Variants in VWCE observed in about 807,000 individuals in gnomAD.
The protein encoded by VWCE is von Willebrand factor C and EGF domain-containing protein.
A neutral mutation model predicts 102.9 loss-of-function variants in VWCE; 68 were observed. The ratio of observed to expected loss-of-function variants is 0.66; its 90% CI spans 0.54 to 0.81. VWCE has a LOEUF of 0.81. VWCE is among the 30% of genes least tolerant of loss of function. The pLI, the probability that VWCE is intolerant of heterozygous loss-of-function variation, is 0.00. For synonymous variants in VWCE, 497 were observed against 515.4 expected (o/e 0.96, Z 0.48); for missense variants, 1,137 against 1,263.6 (o/e 0.90, Z 1.52).
chr11:61,282,831 G>A lies in VWCE; in HGVS notation c.616C>T (p.Arg206Ter), dbSNP rs759332345. 8 of 1,614,200 alleles carry A rather than the reference G, an allele frequency of 5.0e-6. No homozygotes were observed. Among genetic ancestry groups the A allele is most frequent in the Admixed American group, 3.3e-5 (2 of 60,030 alleles). ...NSIGSYKCSCRTGFHLHGNRH... is the reference protein window; with the variant it reads ...NSIGSYKCSC ...TTGCCATGAAGGTGGAAGCCAGTTC[G>A]ACAGGAACACTTGTAGCTGCCAATG... The change falls in exon 6 of 20, where the codon CGA becomes TGA. Residue 206 changes from arginine to a stop codon, truncating the protein, a stop_gained. Transcript: ENST00000335613. LOFTEE classifies it high-confidence loss of function.
At chr11:61,293,680 G>A (rs1039798648) in intron 1 of VWCE, among the ~76,000 whole-genome samples, 1 of 152,198 alleles carries the variant, frequency 6.6e-6, no homozygotes, top group African/African-American at 2.4e-5. Context: ...ATTCTGCGAG[G>A]CAGGCACTTT....
chr11:61,261,505 G>A (rs1056746634), intron 19 of VWCE, among the ~76,000 whole-genome samples: 8 of 152,000 alleles, frequency 5.3e-5, no homozygotes, highest in African/African-American at 1.2e-4. Context: ...CAGTTTGGGA[G>A]GCCAAGGCGG....
intron 1 of VWCE, among the ~76,000 whole-genome samples, chr11:61,292,532 A>T (rs1036078444): frequency 1.3e-5 from 2 of 152,170 alleles, no homozygotes; most frequent in Admixed American, 6.5e-5. Context: ...TGAGAAGGGC[A>T]ATGGCATAGG....
intron 7 of VWCE, 143 bp downstream of exon 7, chr11:61,281,643 G>A: frequency 8.7e-7 from 1 of 1,150,158 alleles, no homozygotes; most frequent in Non-Finnish European, 1.2e-6. Context: ...CGGGGCCGGG[G>A]TAGGGCGGGG....
intron 6 of VWCE, 89 bp from the exon 7 acceptor site, chr11:61,282,003 G>A: frequency 6.5e-7 from 1 of 1,528,742 alleles, no homozygotes. Flanking sequence ...CACTTGGGGA[G>A]TTTCTCTGCC....
intron 16 of VWCE, among the ~76,000 whole-genome samples, chr11:61,267,087 G>A (rs1384437669): frequency 2.6e-5 from 4 of 152,104 alleles, no homozygotes; most frequent in African/African-American, 9.7e-5. Context: ...GCGAAATCCC[G>A]TCTCTACCAA....
intron 12 of VWCE, 55 bp from the exon 13 acceptor site, chr11:61,273,371 T>G (rs1334695635): frequency 6.6e-7 from 1 of 1,524,108 alleles, no homozygotes; most frequent in African/African-American, 1.4e-5. Context: ...CTGGGGACCA[T>G]GGAGAGCTAG....
At chr11:61,260,528 G>C (rs994769914) in intron 19 of VWCE, among the ~76,000 whole-genome samples, 2 of 152,020 alleles carry the variant, frequency 1.3e-5, no homozygotes, top group Non-Finnish European at 2.9e-5. Flanking sequence ...AAACTCCTGA[G>C]CTCAAGTGAT....
chr11:61,264,958 G>T lies in VWCE; in HGVS notation c.2137C>A (p.Gln713Lys), dbSNP rs1381392972. 6.2e-7 allele frequency: 1 copy of T among 1,613,564 alleles called. No individual in the cohort carries two copies. The highest frequency in any genetic ancestry group is 1.7e-5 in the Admixed American group (1 of 59,998). ...DDEPCTRCTC[Q>K]LGEVSCEKVP... Reference sequence around the variant, plus strand: ...CTGGGTTCCCAGGCCCAGCTCACCTGGCACGTGCACCGGGTGCAGGGTTCA... The same window carrying T: ...CTGGGTTCCCAGGCCCAGCTCACCTTGCACGTGCACCGGGTGCAGGGTTCA... The change falls in exon 18 of 20, where the codon CAG (glutamine) becomes AAG (lysine). Residue 713 changes from glutamine (Q) to lysine (K), a missense_variant and splice_region_variant. Gln to Lys is a moderately conservative substitution (Grantham distance 53). Coordinates refer to ENST00000335613, the MANE Select transcript of VWCE (RefSeq NM_152718.2).
chr11:61,273,505 G>A (rs547248769), intron 12 of VWCE, among the ~76,000 whole-genome samples, 189 bp from the exon 13 acceptor site: 1 of 152,292 alleles, frequency 6.6e-6, no homozygotes, highest in African/African-American at 2.4e-5. Context: ...GGGGGGAACT[G>A]GGAGTCCTTC....
intron 19 of VWCE, among the ~76,000 whole-genome samples, chr11:61,261,220 A>C (rs1410354963): frequency 7.7e-6 from 1 of 129,902 alleles, no homozygotes; most frequent in Non-Finnish European, 1.5e-5. Flanking sequence ...ACTCCATCTC[A>C]AAAAAAAAAA....
intron 16 of VWCE, among the ~76,000 whole-genome samples, chr11:61,266,453 TAGG>T (rs1854515532): frequency 6.6e-6 from 1 of 151,700 alleles, no homozygotes; most frequent in African/African-American, 2.4e-5. Context: ...GAGGCTGACA[TAGG>T]AGGATCGCTT....
At chr11:61,287,865 G>A (rs535886784) in intron 4 of VWCE, among the ~76,000 whole-genome samples, 2 of 152,066 alleles carry the variant, frequency 1.3e-5, no homozygotes, top group East Asian at 3.9e-4. Context: ...TGGATTAAGA[G>A]GAGACTAAGG....
rs1855218489 is a variant in VWCE, at chr11:61,283,682, AGCCACTGCACCTG to A, written c.542-790_542-778del. Among the ~76,000 whole-genome samples, 10 of 152,340 alleles carry A rather than the reference AGCCACTGCACCTG, an allele frequency of 6.6e-5. No homozygotes were observed. In the South Asian group the frequency reaches 2.1e-3, roughly 32 times the overall value. On this transcript the variant is annotated intron_variant, in intron 5 of 19. Coordinates refer to ENST00000335613, the MANE Select transcript of VWCE (RefSeq NM_152718.2). The stretch of plus-strand genomic sequence containing the variant: ...TGCCTTGGCCTCCATTACAGGCGTG[AGCCACTGCACCTG>A]GCCACTGGCTTAAATTCTTGCCATC...
At chr11:61,281,622 C>T (rs754118390) in intron 7 of VWCE, among the ~76,000 whole-genome samples, 164 bp downstream of exon 7, 79 of 151,792 alleles carry the variant, frequency 5.2e-4, no homozygotes, top group Non-Finnish European at 1.0e-3. Context: ...GGGAGCCTAG[C>T]GCCAGGTGGG....
rs566459626 is a variant in VWCE at position 61,267,754 on chromosome 11, G to A, written c.1883-210C>T. On this transcript the variant is annotated intron_variant, in intron 15 of 19. Coordinates refer to ENST00000335613, the MANE Select transcript of VWCE (RefSeq NM_152718.2). ...TTTTTTCCCACTGGATTCAGCAAAA[G>A]GATCAAGTGTCTTGGCCTCAGTGTC... Among the ~76,000 whole-genome samples the A allele has an allele frequency of 3.3e-5, 5 of 152,332 alleles. No individual in the cohort carries two copies. In the East Asian group the frequency reaches 9.6e-4, roughly 29 times the overall value.
chr11:61,275,520 A>G (rs1815212294), intron 11 of VWCE, among the ~76,000 whole-genome samples: 1 of 152,236 alleles, frequency 6.6e-6, no homozygotes, highest in African/African-American at 2.4e-5. Context: ...CATTAAGAAA[A>G]AAAACACTTA....
At chr11:61,292,726 A>C (rs759264863) in intron 1 of VWCE, among the ~76,000 whole-genome samples, 1 of 152,144 alleles carries the variant, frequency 6.6e-6, no homozygotes, top group Non-Finnish European at 1.5e-5. Context: ...ACCTTCAAGG[A>C]AAGTAGGGCA....
intron 19 of VWCE, 79 bp downstream of exon 19, chr11:61,264,408 A>G: frequency 7.1e-7 from 1 of 1,404,722 alleles, no homozygotes; most frequent in Non-Finnish European, 9.9e-7. Context: ...CCAGCCCTTT[A>G]CAAGTTCTAT....
Sources: gnomAD v4.1 joint callset for allele counts (sites outside exome capture counted in the v4.1 genomes callset) on GRCh38, gnomAD v4.1.1 for gene constraint, MANE v1.5 for transcripts, NCBI Gene and HGNC (gene_info 2026-07-23, HGNC 2026-07-21) for gene names.